MAML3: variants seen among roughly 807,000 people sequenced by gnomAD.
MAML3 encodes the protein mastermind-like protein 3.
A neutral mutation model predicts 101.9 loss-of-function variants in MAML3; 27 were observed. The observed-to-expected ratio is 0.27, with a 90% CI of 0.20 to 0.37. The LOEUF is 0.37. MAML3 is among the 10% of genes least tolerant of loss of function. The probability of loss-of-function intolerance (pLI) is 1.00; values close to 1 mark genes in which losing one functional copy is unlikely to be tolerated. For synonymous variants in MAML3, 501 were observed against 555.9 expected (o/e 0.90, Z 1.39); for missense variants, 1,316 against 1,444.9 (o/e 0.91, Z 1.45).
At chr4:139,950,230 C>T (rs947404948) in intron 1 of MAML3, among the ~76,000 whole-genome samples, 4 of 152,014 alleles carry the variant, frequency 2.6e-5, no homozygotes, top group Non-Finnish European at 4.4e-5. Context: ...TTAGTAGAGA[C>T]GGGGTTTCAC....
At chr4:139,881,781 A>G (rs925706306) in intron 2 of MAML3, among the ~76,000 whole-genome samples, 4 of 152,198 alleles carry the variant, frequency 2.6e-5, no homozygotes, top group African/African-American at 9.7e-5. Flanking sequence ...CGCTCACTGC[A>G]ACCTCTGCCT....
chr4:139,854,903 T>TA (rs1439799017), intron 2 of MAML3, among the ~76,000 whole-genome samples: 2 of 148,650 alleles, frequency 1.3e-5, no homozygotes, highest in Non-Finnish European at 3.0e-5. Flanking sequence ...ATCTGAGCCT[T>TA]AGACTCCTCA....
At chr4:140,150,515 C>T (rs565809175) in intron 1 of MAML3, among the ~76,000 whole-genome samples, 1 of 152,296 alleles carries the variant, frequency 6.6e-6, no homozygotes, top group South Asian at 2.1e-4. Context: ...TTCCAGGGTC[C>T]CCCAGCTGGC....
intron 2 of MAML3, among the ~76,000 whole-genome samples, chr4:139,807,018 T>G (rs1463224112): frequency 6.6e-6 from 1 of 152,178 alleles, no homozygotes; most frequent in Admixed American, 6.5e-5. Context: ...TTTTTAGGCT[T>G]AAAATATTAT....
At chr4:140,070,885 C>G (rs993402174) in intron 1 of MAML3, among the ~76,000 whole-genome samples, 1 of 152,214 alleles carries the variant, frequency 6.6e-6, no homozygotes, top group African/African-American at 2.4e-5. Context: ...AGGCCCCTTC[C>G]CTCTCCAGAG....
chr4:139,865,929 C>T (rs1450719937), intron 2 of MAML3, among the ~76,000 whole-genome samples: 13 of 152,142 alleles, frequency 8.5e-5, no homozygotes, highest in Admixed American at 7.9e-4. Flanking sequence ...TTCCCAGGTC[C>T]GTCTTCTGGA....
intron 1 of MAML3, among the ~76,000 whole-genome samples, chr4:140,058,533 T>C (rs1049585555): frequency 2.0e-5 from 3 of 149,276 alleles, no homozygotes; most frequent in Non-Finnish European, 4.4e-5. Flanking sequence ...ATATATTATA[T>C]ATAATAAAAT....
At chr4:139,780,558 G>GA (rs1236140992) in intron 2 of MAML3, among the ~76,000 whole-genome samples, 2 of 151,236 alleles carry the variant, frequency 1.3e-5, no homozygotes, top group African/African-American at 4.9e-5. Flanking sequence ...AGTAATCCTT[G>GA]AAAAAACTGC....
At chr4:139,789,970 A>T (rs112362543) in intron 2 of MAML3, among the ~76,000 whole-genome samples, 1 of 151,984 alleles carries the variant, frequency 6.6e-6, no homozygotes, top group Non-Finnish European at 1.5e-5. Context: ...TGAGAATCCC[A>T]GGAGAAGTCT....
chr4:139,809,010 T>C (rs1730746716), intron 2 of MAML3, among the ~76,000 whole-genome samples: 1 of 152,172 alleles, frequency 6.6e-6, no homozygotes, highest in Non-Finnish European at 1.5e-5. Context: ...CACTCACTCT[T>C]TGGAGCCTGA....
chr4:139,889,023 G>T (rs1282559645), intron 2 of MAML3, among the ~76,000 whole-genome samples: 2 of 152,168 alleles, frequency 1.3e-5, no homozygotes, highest in Non-Finnish European at 2.9e-5. Context: ...TGGGAGAGAA[G>T]CTACAGAGGT....
chr4:139,922,394 AG>A (rs989726884), intron 1 of MAML3, among the ~76,000 whole-genome samples: 2 of 152,164 alleles, frequency 1.3e-5, no homozygotes, highest in African/African-American at 4.8e-5. Context: ...AAAATGATAG[AG>A]GGATAACATA....
intron 2 of MAML3, among the ~76,000 whole-genome samples, chr4:139,781,251 C>T (rs940781189): frequency 6.6e-6 from 1 of 152,148 alleles, no homozygotes; most frequent in Admixed American, 6.5e-5. Context: ...AACCCACCCA[C>T]GTTTTCCTAT....
At chr4:139,896,631 T>TGTGTGTGTGTGTGG (rs752046450) in intron 1 of MAML3, among the ~76,000 whole-genome samples, 17 of 121,458 alleles carry the variant, frequency 1.4e-4, no homozygotes, top group African/African-American at 4.4e-4. Context: ...TGTGTGTGTG[T>TGTGTGTGTGTGTGG]GGTATGTGGT....
intron 1 of MAML3, among the ~76,000 whole-genome samples, chr4:139,895,060 G>A (rs949592166): frequency 6.6e-6 from 1 of 152,194 alleles, no homozygotes; most frequent in African/African-American, 2.4e-5. Context: ...AACGAAGCTG[G>A]TCCATTTGTT....
chr4:140,000,449 G>C (rs746297263), intron 1 of MAML3, among the ~76,000 whole-genome samples: 1 of 152,026 alleles, frequency 6.6e-6, no homozygotes, highest in Non-Finnish European at 1.5e-5. Flanking sequence ...ATCAATACTA[G>C]CTCCTTAAAG....
chr4:140,034,290 C>A (rs1482979017), intron 1 of MAML3, among the ~76,000 whole-genome samples: 1 of 152,184 alleles, frequency 6.6e-6, no homozygotes, highest in African/African-American at 2.4e-5. Flanking sequence ...AAATGAACAT[C>A]TGATGTGAGA....
intron 1 of MAML3, among the ~76,000 whole-genome samples, chr4:140,069,977 G>A (rs930129837): frequency 6.6e-6 from 1 of 152,068 alleles, no homozygotes; most frequent in African/African-American, 2.4e-5. Flanking sequence ...TTAGCTAGGT[G>A]TGGTGGTGCA....
In MAML3 at chr4:140,114,144, G is replaced by A. The variant is rs77526380; in HGVS notation, c.468+38716C>T. Among the ~76,000 whole-genome samples, 1,007 of 152,248 alleles carry A rather than the reference G, an allele frequency of 6.6e-3. 8 individuals are homozygous for A. Among genetic ancestry groups the A allele is most frequent in the Non-Finnish European group, 7.1e-3 (485 of 68,022 alleles). On this transcript the variant is annotated intron_variant, in intron 1 of 4. Transcript: ENST00000509479. ...GTCTTCCCTGCACTCTCTGCCCTGCGAAATATGCCCCTTCCCTGCTCCCTC... is the reference window on the plus strand; with the variant it reads ...GTCTTCCCTGCACTCTCTGCCCTGCAAAATATGCCCCTTCCCTGCTCCCTC...
Sources: gnomAD v4.1 joint callset for allele counts (sites outside exome capture counted in the v4.1 genomes callset) on GRCh38, gnomAD v4.1.1 for gene constraint, MANE v1.5 for transcripts, NCBI Gene and HGNC (gene_info 2026-07-23, HGNC 2026-07-21) for gene names.